SLC44A1: variants seen among roughly 807,000 people sequenced by gnomAD.
SLC44A1 encodes the protein solute carrier family 44 member 1.
Under a neutral mutation model 79.3 loss-of-function variants are expected in SLC44A1, and 26 were observed. That is an observed-to-expected ratio of 0.33 (90% CI 0.24 to 0.46). The LOEUF (loss-of-function observed/expected upper bound fraction) is 0.46, where lower values mean the gene tolerates loss of function less well. Ranked by LOEUF, SLC44A1 falls within the 20% of genes least tolerant of loss-of-function variation. The probability of loss-of-function intolerance (pLI) is 1.00; values close to 1 mark genes in which losing one functional copy is unlikely to be tolerated. For missense variants in SLC44A1, 688 were observed against 798.1 expected (o/e 0.86, Z 1.66); for synonymous variants, 263 against 286.2 (o/e 0.92, Z 0.82).
At chr9:105,436,043 C>T (rs1368471083) in intron 15 of SLC44A1, among the ~76,000 whole-genome samples, 1 of 152,080 alleles carries the variant, frequency 6.6e-6, no homozygotes, top group Non-Finnish European at 1.5e-5. Flanking sequence ...ACTGAAAATA[C>T]AAAAATTGGC....
In SLC44A1 at chr9:105,394,491, A is replaced by G. The variant is rs1253374474; in HGVS notation, c.*5435A>G. The G allele has an allele frequency of 5.2e-6, 5 of 964,914 alleles. No individual in the cohort carries two copies. Among genetic ancestry groups the G allele is most frequent in the South Asian group, 1.0e-4 (2 of 20,012 alleles). The allele number at this position is 964,914 out of a possible 1,614,324, so 59.8% of individuals were successfully genotyped here. A position where few individuals can be genotyped will look rare whatever the true frequency, so the allele number is the denominator to read the frequency against. On this transcript the variant is annotated 3_prime_UTR_variant, in exon 16 of 16. Coordinates refer to ENST00000374720, the MANE Select transcript of SLC44A1 (RefSeq NM_080546.5). Reference sequence around the variant, plus strand: ...GGCGGTTATTTGGGGGCAAGGTACCAGATTATTTGCAGTGAGCCAAAAAAA... The same window carrying G: ...GGCGGTTATTTGGGGGCAAGGTACCGGATTATTTGCAGTGAGCCAAAAAAA...
At chr9:105,333,008 G>A (rs1826799375) in intron 3 of SLC44A1, among the ~76,000 whole-genome samples, 1 of 152,180 alleles carries the variant, frequency 6.6e-6, no homozygotes, top group Non-Finnish European at 1.5e-5. Flanking sequence ...ACTATTAAGA[G>A]AGAACCAGAA....
At chr9:105,375,293 G>A (rs998574787) in intron 13 of SLC44A1, among the ~76,000 whole-genome samples, 4 of 152,158 alleles carry the variant, frequency 2.6e-5, no homozygotes, top group African/African-American at 7.2e-5. Flanking sequence ...AACCGCCTTC[G>A]CCTCCCAAAG....
chr9:105,410,690 T>C lies in SLC44A1; in HGVS notation c.1950+25188T>C, dbSNP rs191634762. On this transcript the variant is annotated intron_variant, in intron 15 of 15. Transcript: ENST00000374724. ...AGAATTACCATGGGATGCAGGTATA[T>C]ATCCCAAATGATTGAAAACAGGTGT... Among the ~76,000 whole-genome samples the C allele has an allele frequency of 1.0e-3, 158 of 152,348 alleles. 1 individual carries two copies. In the East Asian group the frequency reaches 0.023, roughly 22 times the overall value.
At chr9:105,312,127 A>G (rs906519422) in intron 3 of SLC44A1, among the ~76,000 whole-genome samples, 3 of 152,290 alleles carry the variant, frequency 2.0e-5, no homozygotes, top group East Asian at 1.9e-4. Flanking sequence ...ACCTTTATAC[A>G]TATTTGTTGA....
intron 3 of SLC44A1, among the ~76,000 whole-genome samples, chr9:105,314,767 C>T (rs1187959766): frequency 6.6e-6 from 1 of 152,206 alleles, no homozygotes; most frequent in Admixed American, 6.5e-5. Flanking sequence ...GAGCTCTTTT[C>T]AATTTCCTGC....
At chr9:105,297,619 G>A (rs1485251477) in intron 1 of SLC44A1, among the ~76,000 whole-genome samples, 1 of 152,120 alleles carries the variant, frequency 6.6e-6, no homozygotes, top group Non-Finnish European at 1.5e-5. Context: ...CCGACCTCAG[G>A]TGATCGCCCG....
At chr9:105,427,003 A>C (rs901375225) in intron 15 of SLC44A1, among the ~76,000 whole-genome samples, 1 of 150,790 alleles carries the variant, frequency 6.6e-6, no homozygotes, top group African/African-American at 2.4e-5. Context: ...TGGTGCGATC[A>C]TGGCTCCCTC....
chr9:105,419,482 G>A (rs1432435017), intron 15 of SLC44A1, among the ~76,000 whole-genome samples: 1 of 152,156 alleles, frequency 6.6e-6, no homozygotes, highest in Non-Finnish European at 1.5e-5. Flanking sequence ...GAATTAGAAG[G>A]TTTGAACATC....
chr9:105,289,545 G>A (rs535364879), intron 1 of SLC44A1, among the ~76,000 whole-genome samples: 1 of 152,128 alleles, frequency 6.6e-6, no homozygotes, highest in African/African-American at 2.4e-5. Context: ...CAAAGGAAGG[G>A]AACCTAGTTC....
chr9:105,372,261 A>G (rs1453432694), intron 12 of SLC44A1, among the ~76,000 whole-genome samples: 2 of 152,146 alleles, frequency 1.3e-5, no homozygotes, highest in East Asian at 1.9e-4. Flanking sequence ...ATGGAATTCT[A>G]TATATCAAAA....
rs1001062300 is a variant in SLC44A1 at position 105,393,407 on chromosome 9, A to G, written c.*4351A>G. On this transcript the variant is annotated 3_prime_UTR_variant, in exon 16 of 16. Transcript: ENST00000374720. ...AGCAAACTTAAAAAACAAAACAAAA[A>G]TTACACGTCGTGTACAGTTATGAAT... is the stretch of plus-strand genomic sequence containing the variant. 8.1e-6 allele frequency: 8 copies of G among 985,142 alleles called. No homozygotes were observed. In the African/African-American group the frequency reaches 1.4e-4, roughly 17 times the overall value. The allele number at this position is 985,142 out of a possible 1,614,324, so 61.0% of individuals were successfully genotyped here. A position where few individuals can be genotyped will look rare whatever the true frequency, so the allele number is the denominator to read the frequency against.
At chr9:105,330,768 T>A (rs1826725898) in intron 3 of SLC44A1, among the ~76,000 whole-genome samples, 1 of 152,200 alleles carries the variant, frequency 6.6e-6, no homozygotes, top group Non-Finnish European at 1.5e-5. Context: ...AAAATAAACC[T>A]TTTCCTCTTC....
chr9:105,269,285 T>C (rs745706968), intron 1 of SLC44A1, among the ~76,000 whole-genome samples: 7 of 152,206 alleles, frequency 4.6e-5, no homozygotes, highest in Non-Finnish European at 8.8e-5. Context: ...ATTTTGTTTT[T>C]ATTTTTAAAC....
chr9:105,299,054 G>A (rs1830805551), intron 1 of SLC44A1, among the ~76,000 whole-genome samples, 166 bp from the exon 2 acceptor site: 1 of 152,132 alleles, frequency 6.6e-6, no homozygotes, highest in Non-Finnish European at 1.5e-5. Context: ...GTGGGGGTTA[G>A]CATAAACGTC....
At chr9:105,345,413 T>C (rs1442653784) in intron 4 of SLC44A1, among the ~76,000 whole-genome samples, 1 of 152,200 alleles carries the variant, frequency 6.6e-6, no homozygotes, top group Non-Finnish European at 1.5e-5. Flanking sequence ...GATGTTCTTT[T>C]TGAGGTATCT....
At position 105,392,401 on chromosome 9, in the gene SLC44A1, CTCTTTTTTTTTTTTT is replaced by C; in HGVS notation, c.*3347_*3361del. 4 of 318,876 alleles carry C rather than the reference CTCTTTTTTTTTTTTT, an allele frequency of 1.3e-5. No individual in the cohort carries two copies. The highest frequency in any genetic ancestry group is 7.1e-5 in the African/African-American group (2 of 28,304). The allele number at this position is 318,876 out of a possible 1,614,324, so 19.8% of individuals were successfully genotyped here. A position where few individuals can be genotyped will look rare whatever the true frequency, so the allele number is the denominator to read the frequency against. ...TTGTAGAGATGCTCTCTCTCTCTCT[CTCTTTTTTTTTTTTT>C]TTTTTTTTTTTTTTCCGTGAGGGCA... On this transcript the variant is annotated 3_prime_UTR_variant, in exon 16 of 16. Transcript: ENST00000374720.
At chr9:105,270,639 C>T (rs572077606) in intron 1 of SLC44A1, among the ~76,000 whole-genome samples, 5 of 152,306 alleles carry the variant, frequency 3.3e-5, no homozygotes, top group African/African-American at 1.2e-4. Context: ...CAGACTTCCT[C>T]CCTCAGTTCT....
At chr9:105,263,442 A>G (rs2131216513) in intron 1 of SLC44A1, among the ~76,000 whole-genome samples, 1 of 152,246 alleles carries the variant, frequency 6.6e-6, no homozygotes, top group South Asian at 2.1e-4. Flanking sequence ...AGACTTTCAG[A>G]AACTTTACTG....
Sources: allele counts gnomAD v4.1 joint callset (sites outside exome capture counted in the v4.1 genomes callset), GRCh38; gene constraint gnomAD v4.1.1; transcripts MANE v1.5; gene names NCBI Gene and HGNC (gene_info 2026-07-23, HGNC 2026-07-21).